Variants in PREX1 observed in about 807,000 individuals in gnomAD.
PREX1 encodes the protein phosphatidylinositol-3,4,5-trisphosphate dependent Rac exchange factor 1.
In PREX1, 41 loss-of-function variants were observed where a neutral mutation model predicts 198.3. That is an observed-to-expected ratio of 0.21 (90% CI 0.16 to 0.27). The LOEUF (loss-of-function observed/expected upper bound fraction) is 0.27. Among genes scored for constraint, PREX1 ranks in the 10% least tolerant of loss-of-function variants. The probability of loss-of-function intolerance (pLI) is 1.00; values close to 1 mark genes in which losing one functional copy is unlikely to be tolerated. For missense variants in PREX1, 1,620 were observed against 2,200.7 expected (o/e 0.74, Z 5.28); for synonymous variants, 843 against 887.2 (o/e 0.95, Z 0.89).
At chr20:48,745,385 T>G (rs2090103104) in intron 2 of PREX1, among the ~76,000 whole-genome samples, 1 of 152,260 alleles carries the variant, frequency 6.6e-6, no homozygotes. Context: ...TACGCATTCA[T>G]AGAATCTAAT....
chr20:48,629,647 G>A, intron 36 of PREX1, 26 bp from the exon 37 acceptor site: 1 of 1,607,124 alleles, frequency 6.2e-7, no homozygotes, highest in Non-Finnish European at 8.5e-7. Context: ...CACATAACCG[G>A]GGAGTTGGAG....
the PREX1 span, among the ~76,000 whole-genome samples, chr20:48,852,732 T>C: frequency 6.6e-6 from 1 of 152,224 alleles, no homozygotes; most frequent in African/African-American, 2.4e-5. Flanking sequence ...TGTATCATAG[T>C]ATGTAATTGC....
At chr20:48,632,693 A>C (rs2089325062) in intron 33 of PREX1, 54 bp from the exon 34 acceptor site, 3 of 1,594,386 alleles carry the variant, frequency 1.9e-6, no homozygotes, top group Non-Finnish European at 8.6e-7. Context: ...GGCCAGGGGA[A>C]GCCCTGGCAC....
chr20:48,822,326 T>C (rs1054435400), intron 1 of PREX1, among the ~76,000 whole-genome samples: 1 of 152,172 alleles, frequency 6.6e-6, no homozygotes, highest in Non-Finnish European at 1.5e-5. Context: ...ACAGCCTCAT[T>C]TTGGTGCAAT....
At chr20:48,743,946 T>C (rs1448854477) in intron 3 of PREX1, among the ~76,000 whole-genome samples, 1 of 152,196 alleles carries the variant, frequency 6.6e-6, no homozygotes, top group Non-Finnish European at 1.5e-5. Flanking sequence ...TCCATCATCT[T>C]AGGCTCTAGC....
chr20:48,729,788 T>A (rs1038946892), intron 4 of PREX1, among the ~76,000 whole-genome samples: 1 of 152,172 alleles, frequency 6.6e-6, no homozygotes, highest in Non-Finnish European at 1.5e-5. Flanking sequence ...CTGCAGTCGG[T>A]TGAATGGTGT....
At chr20:48,766,706 G>A (rs2090209733) in intron 1 of PREX1, among the ~76,000 whole-genome samples, 2 of 152,188 alleles carry the variant, frequency 1.3e-5, no homozygotes, top group African/African-American at 4.8e-5. Context: ...ACTTAACCTT[G>A]ATTTATGTGA....
At chr20:48,864,406 C>T in the PREX1 span, among the ~76,000 whole-genome samples, 9 of 152,164 alleles carry the variant, frequency 5.9e-5, no homozygotes, top group African/African-American at 1.4e-4. Context: ...ATATTTGTAA[C>T]GAAATCACAG....
Position 48,650,964 on chromosome 20 carries a change from T to G in PREX1, c.2747A>C (p.His916Pro), listed in dbSNP as rs1225292257. Residue 916 changes from histidine (H) to proline (P), a missense_variant, in exon 23 of 40, where the codon CAC (histidine) becomes CCC (proline). Transcript: ENST00000371941. ...GTCACAGATGTTGCGGAACTCAAAG[T>G]GGGGCATGGTCACGATGGCGCTGCT... The part of the protein sequence containing the change: ...ALSSAIVTMP[H>P]FEFRNICDTK... 8 of 1,614,168 alleles carry G rather than the reference T, an allele frequency of 5.0e-6. No homozygotes were observed. The highest frequency in any genetic ancestry group is 6.8e-6 in the Non-Finnish European group (8 of 1,180,026).
At chr20:48,843,419 C>T in the PREX1 span, among the ~76,000 whole-genome samples, 2 of 152,148 alleles carry the variant, frequency 1.3e-5, no homozygotes, top group African/African-American at 4.8e-5. Context: ...ATGGTCCCCA[C>T]AAGGTTAACT....
rs561156916 is a variant in PREX1, at chr20:48,658,109, C to A, written c.1974+27G>T. The A allele has an allele frequency of 4.4e-6, 7 of 1,605,016 alleles. No individual in the cohort carries two copies. The African/African-American group carries it at 9.4e-5, about 21-fold the overall frequency. On this transcript the variant is annotated intron_variant, in intron 17 of 39. Coordinates refer to ENST00000371941, the MANE Select transcript of PREX1 (RefSeq NM_020820.4). ...CCCCGCTCTGCCACCTGCACACGGT[C>A]CCTGCCAGCTCCCCCGAGGGCCTCA... is the stretch of plus-strand genomic sequence containing the variant.
intron 4 of PREX1, among the ~76,000 whole-genome samples, chr20:48,726,662 C>A (rs974570109): frequency 6.6e-6 from 1 of 152,222 alleles, no homozygotes; most frequent in African/African-American, 2.4e-5. Flanking sequence ...AACGGCAGAG[C>A]TGAGTTGTTG....
At chr20:48,650,346 G>C (rs1432137419) in intron 23 of PREX1, 140 bp from the exon 24 acceptor site, 1 of 855,566 alleles carries the variant, frequency 1.2e-6, no homozygotes, top group East Asian at 2.6e-5. Context: ...AAATGAGAAG[G>C]GGAACCCCTG....
At chr20:48,815,896 G>A (rs572961621) in intron 1 of PREX1, among the ~76,000 whole-genome samples, 21 of 152,194 alleles carry the variant, frequency 1.4e-4, no homozygotes, top group South Asian at 1.2e-3. Flanking sequence ...TGTAATCCCC[G>A]CTACTCGGGA....
chr20:48,683,259 G>C (rs2089764092), intron 10 of PREX1, among the ~76,000 whole-genome samples: 1 of 152,220 alleles, frequency 6.6e-6, no homozygotes, highest in Admixed American at 6.5e-5. Flanking sequence ...CCAGGGTTAG[G>C]GGACAGGAAG....
chr20:48,728,637 G>A (rs539618642), intron 4 of PREX1, among the ~76,000 whole-genome samples: 1 of 152,298 alleles, frequency 6.6e-6, no homozygotes, highest in Non-Finnish European at 1.5e-5. Flanking sequence ...AGGCTGCCCT[G>A]GTGATGTCAG....
rs1047425601 is a variant in PREX1 at position 48,666,558 on chromosome 20, C to G, written c.1666-203G>C. Among the ~76,000 whole-genome samples the G allele has an allele frequency of 5.3e-5, 8 of 152,224 alleles. No homozygotes were observed. Among genetic ancestry groups the G allele is most frequent in the African/African-American group, 1.7e-4 (7 of 41,464 alleles). ...ATTATTTTTTTGAGACAGAGTCTCA[C>G]TCTATCGCCCAGGCTGGAGTGCAGT... On this transcript the variant is annotated intron_variant, in intron 14 of 39. Transcript: ENST00000371941. The surrounding 1 kb of genome is among the most constrained non-coding windows in gnomAD (Gnocchi z 4.3).
intron 19 of PREX1, 71 bp from the exon 20 acceptor site, chr20:48,653,568 A>C (rs1601047596): frequency 3.9e-6 from 6 of 1,545,122 alleles, no homozygotes; most frequent in Non-Finnish European, 5.3e-6. Context: ...ACTGTCCCCC[A>C]CCACCCACCA....
chr20:48,715,263 T>C (rs972937714), intron 5 of PREX1, among the ~76,000 whole-genome samples: 5 of 152,194 alleles, frequency 3.3e-5, no homozygotes, highest in Non-Finnish European at 7.3e-5. Flanking sequence ...AGGAGTCCAA[T>C]GGGACCAGTG....
Sources: gnomAD v4.1 joint callset for allele counts (sites outside exome capture counted in the v4.1 genomes callset) on GRCh38, gnomAD v4.1.1 for gene constraint, Gnocchi (gnomAD v3.1) non-coding constraint, MANE v1.5 for transcripts, NCBI Gene and HGNC (gene_info 2026-07-23, HGNC 2026-07-21) for gene names.